The following HOOK3 variants were observed in gnomAD, a reference collection of about 807,000 sequenced individuals.
HOOK3 encodes hook microtubule tethering protein 3.
A neutral mutation model predicts 116.3 loss-of-function variants in HOOK3; 24 were observed. The ratio of observed to expected loss-of-function variants is 0.21; its 90% CI spans 0.15 to 0.29. HOOK3 has a LOEUF of 0.29. HOOK3 is among the 10% of genes least tolerant of loss of function. HOOK3 has a pLI of 1.00. For synonymous variants in HOOK3, 275 were observed against 283.0 expected, an observed-to-expected ratio of 0.97 and a Z score of 0.28; for missense variants, 632 against 830.2, an observed-to-expected ratio of 0.76 and a Z score of 2.93.
intron 17 of HOOK3, 25 bp from the exon 18 acceptor site, chr8:43,007,818 AGTAG>A: frequency 7.2e-7 from 1 of 1,385,494 alleles, no homozygotes. Flanking sequence ...CAGAAGCAGT[AGTAG>A]GTGATGTTTA....
At chr8:42,973,482 A>C in intron 12 of HOOK3, 83 bp downstream of exon 12, 2 of 790,552 alleles carry the variant, frequency 2.5e-6, no homozygotes, top group East Asian at 2.7e-5. Context: ...GGCCACATTC[A>C]TTTAAGTTAT....
chr8:43,008,379 T>A (rs1809534786), intron 18 of HOOK3, among the ~76,000 whole-genome samples: 1 of 151,152 alleles, frequency 6.6e-6, no homozygotes, highest in African/African-American at 2.5e-5. Context: ...AATGGTATGA[T>A]CACAGCTCAC....
intron 2 of HOOK3, among the ~76,000 whole-genome samples, chr8:42,919,984 A>G (rs1046078228): frequency 1.3e-5 from 2 of 151,966 alleles, no homozygotes; most frequent in African/African-American, 4.8e-5. Flanking sequence ...GGCATTTGAC[A>G]TAAGACAATA....
intron 4 of HOOK3, among the ~76,000 whole-genome samples, chr8:42,931,578 C>T (rs1188279522): frequency 1.3e-5 from 2 of 151,080 alleles, no homozygotes; most frequent in African/African-American, 2.4e-5. Context: ...ACTACAGGTG[C>T]CTGCCACCAT....
intron 4 of HOOK3, among the ~76,000 whole-genome samples, chr8:42,939,906 C>T (rs1808070841): frequency 6.6e-6 from 1 of 151,474 alleles, no homozygotes; most frequent in South Asian, 2.1e-4. Context: ...AGAGACACTC[C>T]TCACTTCCTA....
chr8:42,992,486 G>A (rs1237868380), intron 15 of HOOK3, among the ~76,000 whole-genome samples: 1 of 149,908 alleles, frequency 6.7e-6, no homozygotes, highest in Non-Finnish European at 1.5e-5. Context: ...GGGAGGCTGA[G>A]GCGGGCGGAT....
Position 42,939,570 on chromosome 8 carries a change from G to A in HOOK3, c.268-3743G>A, listed in dbSNP as rs1290277813. ...GGACAGGGCGGCTGGCCGAGCGGGG[G>A]GCTGACCCCCCCACCTCCCTCCCGG... On this transcript the variant is annotated intron_variant, in intron 4 of 21. Coordinates refer to ENST00000307602, the MANE Select transcript of HOOK3 (RefSeq NM_032410.4). Among the ~76,000 whole-genome samples the A allele has an allele frequency of 2.8e-5, 4 of 143,584 alleles. No homozygotes were observed. The South Asian group carries it at 6.5e-4, about 23-fold the overall frequency. 94.2% of individuals were successfully genotyped at this position (143,584 alleles called of 152,430 possible).
intron 4 of HOOK3, among the ~76,000 whole-genome samples, chr8:42,940,759 G>A (rs943087350): frequency 7.9e-5 from 12 of 151,968 alleles, no homozygotes; most frequent in African/African-American, 2.9e-4. Flanking sequence ...ATATCTTTGT[G>A]GTGTTTTCTA....
chr8:42,999,589 TC>T (rs1809341754), intron 16 of HOOK3, among the ~76,000 whole-genome samples: 1 of 152,198 alleles, frequency 6.6e-6, no homozygotes, highest in South Asian at 2.1e-4. Context: ...AAGGAAGTGG[TC>T]CCCTCTGGAG....
chr8:42,941,674 C>T (rs1808130135), intron 4 of HOOK3, among the ~76,000 whole-genome samples: 1 of 151,926 alleles, frequency 6.6e-6, no homozygotes, highest in Non-Finnish European at 1.5e-5. Flanking sequence ...AATTTGTTTT[C>T]CTTATTATTT....
intron 2 of HOOK3, among the ~76,000 whole-genome samples, chr8:42,910,521 T>C (rs1475239095): frequency 6.6e-6 from 1 of 152,268 alleles, no homozygotes; most frequent in Non-Finnish European, 1.5e-5. Context: ...AAGATAGCCA[T>C]GATTCTGACT....
intron 10 of HOOK3, 71 bp downstream of exon 10, chr8:42,966,684 C>T: frequency 2.6e-6 from 4 of 1,526,806 alleles, no homozygotes. Context: ...TTCTGAGGAT[C>T]TAGCAAACTT....
At chr8:42,924,879 G>A (rs1586593340) in intron 2 of HOOK3, among the ~76,000 whole-genome samples, 1 of 151,486 alleles carries the variant, frequency 6.6e-6, no homozygotes, top group Non-Finnish European at 1.5e-5. Flanking sequence ...AGGCTGAGGC[G>A]GGAGAATCGC....
chr8:42,997,613 G>A lies in HOOK3; in HGVS notation c.1596G>A (p.Gln532=). ...TTGAAGAATTACAAAAATCTTTACAGGATCAAGGCTCAAAAGCAGAAGATG... is the reference window on the plus strand; with the variant it reads ...TTGAAGAATTACAAAAATCTTTACAAGATCAAGGCTCAAAAGCAGAAGATG... ...SQVEELQKSL[Q]DQGSKAEDSV... The change falls in exon 16 of 22, where the codon CAG becomes CAA. Residue 532 remains glutamine (Q), a synonymous_variant. Transcript: ENST00000307602. 6.2e-7 allele frequency: 1 copy of A among 1,606,150 alleles called. No individual in the cohort carries two copies. The highest frequency in any genetic ancestry group is 2.2e-5 in the East Asian group (1 of 44,736).
chr8:42,991,289 A>G (rs1280773800), intron 15 of HOOK3, among the ~76,000 whole-genome samples: 1 of 151,932 alleles, frequency 6.6e-6, no homozygotes, highest in East Asian at 1.9e-4. Context: ...CTGTGGTTCC[A>G]TATAAATTTT....
chr8:42,976,561 A>C (rs1392600881), intron 13 of HOOK3, among the ~76,000 whole-genome samples: 1 of 152,118 alleles, frequency 6.6e-6, no homozygotes, highest in Admixed American at 6.6e-5. Context: ...CAAAGACTTA[A>C]TTGCAATTTG....
intron 16 of HOOK3, among the ~76,000 whole-genome samples, chr8:43,001,813 CT>C (rs1586629382): frequency 6.6e-6 from 1 of 152,192 alleles, no homozygotes; most frequent in East Asian, 1.9e-4. Context: ...AATATTAGGT[CT>C]ATAATTAAGT....
chr8:42,937,933 CTGAATATCCT>C (rs1735332257), intron 4 of HOOK3, among the ~76,000 whole-genome samples: 1 of 152,120 alleles, frequency 6.6e-6, no homozygotes, highest in Admixed American at 6.5e-5. Context: ...AGTTCAAGTC[CTGAATATCCT>C]TGTTAATTTT....
chr8:42,973,465 C>G lies in HOOK3; in HGVS notation c.1233+66C>G, dbSNP rs138464402. 3 of 944,222 alleles carry G rather than the reference C, an allele frequency of 3.2e-6. No homozygotes were observed. The East Asian group carries it at 7.6e-5, about 24-fold the overall frequency. 58.5% of individuals were successfully genotyped at this position (944,222 alleles called of 1,614,324 possible). A position where few individuals can be genotyped will look rare whatever the true frequency, so the allele number is the denominator to read the frequency against. ...AAAATTAAGGCGATTATGTTTAATT[C>G]ATGTTTGGCCACATTCATTTAAGTT... On this transcript the variant is annotated intron_variant, in intron 12 of 21. Transcript: ENST00000307602.
Sources: gnomAD v4.1 joint callset for allele counts (sites outside exome capture counted in the v4.1 genomes callset) on GRCh38, gnomAD v4.1.1 for gene constraint, MANE v1.5 for transcripts, NCBI Gene and HGNC (gene_info 2026-07-23, HGNC 2026-07-21) for gene names.